The following STXBP5L variants were observed in gnomAD, a reference collection of about 807,000 sequenced individuals.
The protein encoded by STXBP5L is syntaxin-binding protein 5-like.
In STXBP5L, 65 loss-of-function variants were observed where a neutral mutation model predicts 144.5. The ratio of observed to expected loss-of-function variants is 0.45; its 90% CI spans 0.37 to 0.55. STXBP5L has a LOEUF of 0.55. STXBP5L is among the 20% of genes least tolerant of loss of function. STXBP5L has a pLI of 0.00. For missense variants in STXBP5L, 1,298 were observed against 1,405.5 expected, an observed-to-expected ratio of 0.92 and a Z score of 1.22; for synonymous variants, 505 against 469.6, an observed-to-expected ratio of 1.08 and a Z score of -0.97.
intron 5 of STXBP5L, among the ~76,000 whole-genome samples, chr3:121,083,435 G>A (rs1324408230): frequency 3.3e-5 from 5 of 151,992 alleles, no homozygotes; most frequent in East Asian, 3.9e-4. Context: ...GCTGAGGTGG[G>A]CAGATCACTT....
At chr3:121,081,269 A>T (rs1308292315) in intron 5 of STXBP5L, among the ~76,000 whole-genome samples, 1 of 152,080 alleles carries the variant, frequency 6.6e-6, no homozygotes, top group Non-Finnish European at 1.5e-5. Context: ...TTTTTAAAAA[A>T]TTTCTTTGTG....
intron 7 of STXBP5L, among the ~76,000 whole-genome samples, chr3:121,123,898 T>A (rs1281277840): frequency 1.3e-5 from 2 of 151,810 alleles, no homozygotes; most frequent in Admixed American, 1.3e-4. Flanking sequence ...ATCAGTCTTT[T>A]CATGTGATTC....
chr3:121,315,104 A>T lies in STXBP5L; in HGVS notation c.2111-3371A>T, dbSNP rs2043734786. 2.0e-5 allele frequency among the ~76,000 whole-genome samples: 3 copies of T among 152,304 alleles called. No individual in the cohort carries two copies. In the South Asian group the frequency reaches 6.2e-4, roughly 32 times the overall value. On this transcript the variant is annotated intron_variant, in intron 19 of 26. Transcript: ENST00000471454. ...ATTCCTCAGGGATCTAGAACTAGAA[A>T]TACCTTTTGACCCAGCCATCCCATT... is the stretch of plus-strand genomic sequence containing the variant.
At chr3:121,017,956 G>A (rs552891792) in intron 3 of STXBP5L, among the ~76,000 whole-genome samples, 8 of 152,170 alleles carry the variant, frequency 5.3e-5, no homozygotes, top group South Asian at 2.1e-4. Flanking sequence ...GCATGCACCC[G>A]CAGTCCTAAC....
chr3:121,007,929 A>G (rs1220318558), intron 3 of STXBP5L, among the ~76,000 whole-genome samples: 1 of 149,772 alleles, frequency 6.7e-6, no homozygotes, highest in African/African-American at 2.5e-5. Context: ...TATGACATTA[A>G]AAAAAATTTA....
At chr3:120,930,783 G>T (rs1709890625) in intron 2 of STXBP5L, among the ~76,000 whole-genome samples, 1 of 151,794 alleles carries the variant, frequency 6.6e-6, no homozygotes, top group South Asian at 2.1e-4. Context: ...ATTAAGTTTT[G>T]AAATGTACTA....
chr3:121,290,151 A>G lies in STXBP5L; in HGVS notation c.2110+10195A>G, dbSNP rs74374998. Among the ~76,000 whole-genome samples, 1,071 of 152,282 alleles carry G rather than the reference A, an allele frequency of 7.0e-3. 7 individuals are homozygous for G. The highest frequency in any genetic ancestry group is 0.025 in the African/African-American group (1,032 of 41,570). On this transcript the variant is annotated intron_variant, in intron 19 of 26. Coordinates refer to ENST00000471454, the MANE Select transcript of STXBP5L (RefSeq NM_001308330.2). The stretch of plus-strand genomic sequence containing the variant: ...AAAAGATTAACAAAATTGACAGAAC[A>G]TTAATGATATTAACCAAGAAAAGAA...
intron 17 of STXBP5L, 84 bp from the exon 18 acceptor site, chr3:121,258,959 A>G (rs2050297047): frequency 6.7e-6 from 9 of 1,334,792 alleles, no homozygotes; most frequent in Non-Finnish European, 7.9e-6. Context: ...ATATTTCTGT[A>G]GCATGATTCT....
intron 19 of STXBP5L, among the ~76,000 whole-genome samples, chr3:121,311,529 G>T (rs987944747): frequency 6.6e-6 from 1 of 152,154 alleles, no homozygotes; most frequent in African/African-American, 2.4e-5. Context: ...AAAATCACAA[G>T]CATTCTTATA....
At chr3:121,299,069 A>T (rs2051780308) in intron 19 of STXBP5L, among the ~76,000 whole-genome samples, 1 of 152,192 alleles carries the variant, frequency 6.6e-6, no homozygotes, top group South Asian at 2.1e-4. Flanking sequence ...CTCCTAGCAG[A>T]TCTTGTAAAA....
At chr3:121,305,412 A>G (rs971201626) in intron 19 of STXBP5L, among the ~76,000 whole-genome samples, 6 of 152,298 alleles carry the variant, frequency 3.9e-5, no homozygotes, top group East Asian at 1.9e-4. Flanking sequence ...AAAATCAGAT[A>G]TAAAATATTA....
At chr3:121,064,971 C>T (rs934380343) in intron 5 of STXBP5L, among the ~76,000 whole-genome samples, 7 of 152,148 alleles carry the variant, frequency 4.6e-5, no homozygotes, top group African/African-American at 1.7e-4. Context: ...GTTTAGCTCC[C>T]ACTTTTAAGT....
chr3:120,947,109 CAAGCA>C (rs1285418154), intron 2 of STXBP5L, among the ~76,000 whole-genome samples: 2 of 151,670 alleles, frequency 1.3e-5, no homozygotes, highest in African/African-American at 4.8e-5. Flanking sequence ...CAAAAGAAAA[CAAGCA>C]AAGCAAAGTA....
chr3:121,040,292 A>T (rs962437529), intron 3 of STXBP5L, among the ~76,000 whole-genome samples: 1 of 152,098 alleles, frequency 6.6e-6, no homozygotes, highest in Admixed American at 6.6e-5. Context: ...CCTGGTTTTA[A>T]GTACTGCTAA....
At chr3:121,168,981 A>G (rs2046602771) in intron 9 of STXBP5L, among the ~76,000 whole-genome samples, 1 of 152,232 alleles carries the variant, frequency 6.6e-6, no homozygotes, top group Non-Finnish European at 1.5e-5. Flanking sequence ...TTAGACTGAC[A>G]GCAGATCTCG....
intron 2 of STXBP5L, among the ~76,000 whole-genome samples, chr3:120,945,295 C>A (rs1710787321): frequency 6.6e-6 from 1 of 151,638 alleles, no homozygotes; most frequent in South Asian, 2.1e-4. Context: ...TATTTACTGG[C>A]AAATCTTCTA....
chr3:121,167,254 A>G (rs1440375369), intron 9 of STXBP5L, among the ~76,000 whole-genome samples: 1 of 152,228 alleles, frequency 6.6e-6, no homozygotes, highest in Non-Finnish European at 1.5e-5. Flanking sequence ...TCTAAACCTA[A>G]GAAATATAGT....
chr3:121,060,066 G>A (rs1180490970), intron 5 of STXBP5L, among the ~76,000 whole-genome samples: 5 of 152,112 alleles, frequency 3.3e-5, no homozygotes, highest in Non-Finnish European at 7.4e-5. Context: ...GAAAGGGAAT[G>A]CTTCCAGTTT....
intron 5 of STXBP5L, among the ~76,000 whole-genome samples, chr3:121,097,199 C>T (rs1324153617): frequency 1.1e-4 from 17 of 152,178 alleles, no homozygotes; most frequent in Admixed American, 1.1e-3. Context: ...TCAATTGTCC[C>T]AGGTTGATCT....
Sources: allele counts gnomAD v4.1 joint callset (sites outside exome capture counted in the v4.1 genomes callset), GRCh38; gene constraint gnomAD v4.1.1; transcripts MANE v1.5; gene names NCBI Gene and HGNC (gene_info 2026-07-23, HGNC 2026-07-21).